The following FOCAD variants were observed in gnomAD, a reference collection of about 807,000 sequenced individuals.
The protein encoded by FOCAD is focadhesin.
A neutral mutation model predicts 225.6 loss-of-function variants in FOCAD; 198 were observed. The ratio of observed to expected loss-of-function variants is 0.88; its 90% CI spans 0.78 to 0.99. The LOEUF is 0.99. Among genes scored for constraint, FOCAD ranks in the 50% least tolerant of loss-of-function variants. The pLI, the probability that FOCAD is intolerant of heterozygous loss-of-function variation, is 0.00. For synonymous variants in FOCAD, 897 were observed against 755.0 expected (o/e 1.19, Z -3.08); for missense variants, 2,713 against 2,123.6 (o/e 1.28, Z -5.46).
At chr9:20,796,044 T>A (rs190486256) in intron 11 of FOCAD, among the ~76,000 whole-genome samples, 10 of 143,736 alleles carry the variant, frequency 7.0e-5, no homozygotes, top group South Asian at 5.1e-4. Flanking sequence ...AATTCCCACC[T>A]ATGAGTGAGA....
chr9:20,706,952 AAG>A (rs1824438274), intron 1 of FOCAD, among the ~76,000 whole-genome samples: 1 of 152,132 alleles, frequency 6.6e-6, no homozygotes, highest in African/African-American at 2.4e-5. Flanking sequence ...TCTGGTTCCG[AAG>A]AGAGAGTGGA....
intron 24 of FOCAD, among the ~76,000 whole-genome samples, chr9:20,918,813 A>C (rs1282365638): frequency 6.6e-6 from 1 of 152,172 alleles, no homozygotes; most frequent in East Asian, 1.9e-4. Context: ...CAAGTGTATA[A>C]GAGATATTTT....
chr9:20,988,484 G>A lies in FOCAD; in HGVS notation c.5004+55G>A, dbSNP rs1038573898. On this transcript the variant is annotated intron_variant, in intron 41 of 43. Transcript: ENST00000338382. ...CCTTAAAATACAGAACTTATATTAG[G>A]TTGGTGCAAAAGTAATTGCGGTTTT... The A allele has an allele frequency of 3.4e-6, 3 of 893,712 alleles. No homozygotes were observed. In the East Asian group the frequency reaches 1.1e-4, roughly 34 times the overall value. The allele number at this position is 893,712 out of a possible 1,614,324, so 55.4% of individuals were successfully genotyped here.
chr9:20,945,930 G>C (rs2132331670), intron 29 of FOCAD, among the ~76,000 whole-genome samples: 1 of 152,260 alleles, frequency 6.6e-6, no homozygotes, highest in Admixed American at 6.5e-5. Flanking sequence ...AGGTAGCAGA[G>C]AGGGGATGAC....
At chr9:20,881,461 G>T (rs1209388778) in intron 19 of FOCAD, among the ~76,000 whole-genome samples, 1 of 152,186 alleles carries the variant, frequency 6.6e-6, no homozygotes, top group Non-Finnish European at 1.5e-5. Flanking sequence ...TCTGGCCTCT[G>T]GGCAGAGGAA....
chr9:20,717,933 G>A, intron 3 of FOCAD, 65 bp downstream of exon 3: 2 of 1,245,944 alleles, frequency 1.6e-6, no homozygotes, highest in Non-Finnish European at 2.3e-6. Context: ...GATCACATAT[G>A]CACCTGTCTT....
chr9:20,820,755 A>G (rs915722489), intron 13 of FOCAD, among the ~76,000 whole-genome samples, 186 bp from the exon 14 acceptor site: 1 of 152,162 alleles, frequency 6.6e-6, no homozygotes, highest in Non-Finnish European at 1.5e-5. Flanking sequence ...TGAAATCAAC[A>G]GTACATTGGT....
rs148005006 is a variant in FOCAD at position 20,873,139 on chromosome 9, A to C, written c.2191-1542A>C. Among the ~76,000 whole-genome samples the C allele has an allele frequency of 2.6e-3, 402 of 152,266 alleles. 10 individuals carry two copies. In the East Asian group the frequency reaches 0.045, roughly 17 times the overall value. ...AATAATTCTATGAACATTTGTATGC[A>C]AGCTTTTGCATGATCATATATTTTC... On this transcript the variant is annotated intron_variant, in intron 18 of 43. Transcript: ENST00000338382.
intron 21 of FOCAD, among the ~76,000 whole-genome samples, chr9:20,893,981 G>A (rs958595536): frequency 6.6e-6 from 1 of 152,030 alleles, no homozygotes; most frequent in African/African-American, 2.4e-5. Flanking sequence ...AATCATTTTA[G>A]TATCATACAC....
intron 5 of FOCAD, among the ~76,000 whole-genome samples, chr9:20,756,403 T>A (rs953151586): frequency 2.6e-5 from 4 of 152,080 alleles, no homozygotes; most frequent in Non-Finnish European, 5.9e-5. Context: ...CTTCTGTTTT[T>A]AAAAGAGAAA....
At chr9:20,873,536 C>T (rs1444102780) in intron 18 of FOCAD, among the ~76,000 whole-genome samples, 5 of 152,136 alleles carry the variant, frequency 3.3e-5, no homozygotes, top group African/African-American at 9.7e-5. Flanking sequence ...GCTGATTCCG[C>T]CCTCTGAGAA....
At chr9:20,956,048 C>T (rs1354138261) in intron 35 of FOCAD, among the ~76,000 whole-genome samples, 1 of 152,116 alleles carries the variant, frequency 6.6e-6, no homozygotes, top group Admixed American at 6.6e-5. Flanking sequence ...TTTAAGTCCA[C>T]GTAATAGTCA....
At chr9:20,677,078 A>G (rs1393369106) in intron 2 of FOCAD, among the ~76,000 whole-genome samples, 1 of 152,210 alleles carries the variant, frequency 6.6e-6, no homozygotes, top group African/African-American at 2.4e-5. Flanking sequence ...GCCCACGAAT[A>G]AATCTATGTA....
At chr9:20,820,627 ATTTC>A (rs1824221169) in intron 13 of FOCAD, among the ~76,000 whole-genome samples, 1 of 152,168 alleles carries the variant, frequency 6.6e-6, no homozygotes, top group African/African-American at 2.4e-5. Context: ...ATAAAATCTC[ATTTC>A]TTTATTTCTG....
At chr9:20,885,054 G>C in intron 20 of FOCAD, 55 bp from the exon 21 acceptor site, 1 of 1,090,738 alleles carries the variant, frequency 9.2e-7, no homozygotes, top group Non-Finnish European at 1.2e-6. Context: ...GTGAGATTCT[G>C]TCTTAAAAAA....
At chr9:20,782,565 G>C (rs1018231224) in intron 10 of FOCAD, among the ~76,000 whole-genome samples, 4 of 152,128 alleles carry the variant, frequency 2.6e-5, no homozygotes, top group Non-Finnish European at 4.4e-5. Flanking sequence ...TTGGATATTG[G>C]TTGGGTTCTA....
At position 20,819,813 on chromosome 9, in the gene FOCAD, A is replaced by C; in HGVS notation, c.1473A>C (p.Pro491=). ...CATTTTAGGTGCCAAATCTGATTCC[A>C]GTTTTGATGTTCAAATTGGGAAGAC... The part of the protein sequence containing the change: ...ADSSQVPNLI[P]VLMFKLGRPL... The change falls in exon 12 of 44, where the codon CCA becomes CCC. Residue 491 remains proline (P), a synonymous_variant. Transcript: ENST00000338382. 1 of 1,533,042 alleles carries C rather than the reference A, an allele frequency of 6.5e-7. No individual in the cohort carries two copies. Among genetic ancestry groups the C allele is most frequent in the East Asian group, 2.4e-5 (1 of 41,854 alleles). The allele number at this position is 1,533,042 out of a possible 1,614,324, so 95.0% of individuals were successfully genotyped here.
chr9:20,757,408 A>G (rs1476233051), intron 5 of FOCAD, among the ~76,000 whole-genome samples: 1 of 152,148 alleles, frequency 6.6e-6, no homozygotes, highest in Non-Finnish European at 1.5e-5. Context: ...GTTAAACCCC[A>G]TTCTTTGAGA....
chr9:20,882,902 A>G (rs537057885), intron 20 of FOCAD, among the ~76,000 whole-genome samples: 1 of 152,296 alleles, frequency 6.6e-6, no homozygotes, highest in Admixed American at 6.5e-5. Flanking sequence ...AAGACTCATT[A>G]GACTGCCAAT....
Sources: gnomAD v4.1 joint callset for allele counts (sites outside exome capture counted in the v4.1 genomes callset) on GRCh38, gnomAD v4.1.1 for gene constraint, MANE v1.5 for transcripts, NCBI Gene and HGNC (gene_info 2026-07-23, HGNC 2026-07-21) for gene names.